The following HS6ST3 variants were observed in gnomAD, a reference collection of about 807,000 sequenced individuals.
HS6ST3 encodes the protein heparan-sulfate 6-O-sulfotransferase 3.
A neutral mutation model predicts 36.7 loss-of-function variants in HS6ST3; 12 were observed. The ratio of observed to expected loss-of-function variants is 0.33; its 90% CI spans 0.21 to 0.53. HS6ST3 has a LOEUF of 0.53. Among genes scored for constraint, HS6ST3 ranks in the 20% least tolerant of loss-of-function variants. HS6ST3 has a pLI of 0.95. For missense variants in HS6ST3, 584 were observed against 640.9 expected (o/e 0.91, Z 0.96); for synonymous variants, 240 against 257.5 (o/e 0.93, Z 0.65).
At chr13:96,604,330 G>T (rs1370815087) in intron 1 of HS6ST3, among the ~76,000 whole-genome samples, 3 of 152,102 alleles carry the variant, frequency 2.0e-5, no homozygotes, top group African/African-American at 7.2e-5. Flanking sequence ...TTAAAATAGA[G>T]TCAGTGGGTA....
In HS6ST3 at chr13:96,356,968, A is replaced by G. The variant is rs971151961; in HGVS notation, c.707+265399A>G. ...TGGATAACTTGCTTCAGCATCTCCA[A>G]CAGCACTTGCTGCTTCACCTTGAAC... On this transcript the variant is annotated intron_variant, in intron 1 of 1. Coordinates refer to ENST00000376705, the MANE Select transcript of HS6ST3 (RefSeq NM_153456.4). Among the ~76,000 whole-genome samples, 6 of 151,634 alleles carry G rather than the reference A, an allele frequency of 4.0e-5. No homozygotes were observed. In the South Asian group the frequency reaches 6.3e-4, roughly 16 times the overall value.
chr13:96,208,932 G>C (rs572960234), intron 1 of HS6ST3, among the ~76,000 whole-genome samples: 2 of 152,130 alleles, frequency 1.3e-5, no homozygotes, highest in African/African-American at 2.4e-5. Context: ...AAATTAGCAG[G>C]CACCTTTTTT....
At chr13:96,404,367 A>G (rs2055466765) in intron 1 of HS6ST3, among the ~76,000 whole-genome samples, 2 of 152,192 alleles carry the variant, frequency 1.3e-5, no homozygotes, top group Admixed American at 6.5e-5. Context: ...AGCCTAATGT[A>G]TTCTCAAGAG....
chr13:96,270,020 G>T (rs1191791593), intron 1 of HS6ST3, among the ~76,000 whole-genome samples: 2 of 151,864 alleles, frequency 1.3e-5, no homozygotes, highest in Non-Finnish European at 2.9e-5. Flanking sequence ...ACTGTCCTTT[G>T]GTCAGCCGTG....
chr13:96,540,557 G>C (rs1412319887), intron 1 of HS6ST3, among the ~76,000 whole-genome samples: 1 of 152,012 alleles, frequency 6.6e-6, no homozygotes, highest in Non-Finnish European at 1.5e-5. Context: ...TTAGGCAAAG[G>C]AGCCTTTATC....
chr13:96,527,257 C>T (rs912503837), intron 1 of HS6ST3, among the ~76,000 whole-genome samples: 1 of 152,094 alleles, frequency 6.6e-6, no homozygotes, highest in African/African-American at 2.4e-5. Flanking sequence ...ACTGGGCTCA[C>T]ATACTTTTAC....
At position 96,090,690 on chromosome 13, in the gene HS6ST3, C is replaced by A; in HGVS notation, c.-173C>A. 3.7e-6 allele frequency: 1 copy of A among 270,172 alleles called. No individual in the cohort carries two copies. The highest frequency in any genetic ancestry group is 6.2e-6 in the Non-Finnish European group (1 of 161,540). 16.7% of individuals were successfully genotyped at this position (270,172 alleles called of 1,614,324 possible). ...GCCCGGCTCGCAGGCCCCGGCTCCT[C>A]AAGCCCCGAGGGCCGCGGGGCCGCC... On this transcript the variant is annotated 5_prime_UTR_variant, in exon 1 of 2. Coordinates refer to ENST00000376705, the MANE Select transcript of HS6ST3 (RefSeq NM_153456.4).
intron 1 of HS6ST3, among the ~76,000 whole-genome samples, chr13:96,099,161 C>G (rs192644096): frequency 6.6e-6 from 1 of 152,146 alleles, no homozygotes; most frequent in African/African-American, 2.4e-5. Context: ...CCAGGCTGGT[C>G]TTGACCTCCT....
intron 1 of HS6ST3, among the ~76,000 whole-genome samples, chr13:96,779,210 C>A (rs1877466883): frequency 6.6e-6 from 1 of 151,854 alleles, no homozygotes; most frequent in Admixed American, 6.6e-5. Flanking sequence ...AGTAGAAATA[C>A]CTAATGTAGA....
At chr13:96,429,439 G>T (rs1403692906) in intron 1 of HS6ST3, among the ~76,000 whole-genome samples, 1 of 152,154 alleles carries the variant, frequency 6.6e-6, no homozygotes, top group Non-Finnish European at 1.5e-5. Context: ...CTCATTTTTG[G>T]GGGAGTTAAC....
At chr13:96,254,432 AAAAAAAAAAAAAAAAAATATATAT>A (rs2054622950) in intron 1 of HS6ST3, among the ~76,000 whole-genome samples, 1 of 55,074 alleles carries the variant, frequency 1.8e-5, no homozygotes, top group African/African-American at 7.2e-5. Flanking sequence ...AAAAAAAAAA[AAAAAAAAAAAAAAAAAATATATAT>A]ATATATATAT....
intron 1 of HS6ST3, among the ~76,000 whole-genome samples, chr13:96,145,166 C>A (rs1053772311): frequency 6.9e-6 from 1 of 144,140 alleles, no homozygotes; most frequent in African/African-American, 2.6e-5. Context: ...TGGGTATATA[C>A]CCAGTAATGG....
chr13:96,551,772 A>T (rs2056220366), intron 1 of HS6ST3, among the ~76,000 whole-genome samples: 2 of 152,140 alleles, frequency 1.3e-5, no homozygotes, highest in Non-Finnish European at 2.9e-5. Flanking sequence ...TGCTCGTCAC[A>T]CATCGCCACC....
intron 1 of HS6ST3, among the ~76,000 whole-genome samples, chr13:96,561,762 C>G (rs1345732898): frequency 6.6e-6 from 1 of 152,062 alleles, no homozygotes; most frequent in Admixed American, 6.6e-5. Context: ...AAGCAGCTAG[C>G]AAACATATAA....
At chr13:96,792,063 A>G (rs772753120) in intron 1 of HS6ST3, among the ~76,000 whole-genome samples, 2 of 152,124 alleles carry the variant, frequency 1.3e-5, no homozygotes, top group Non-Finnish European at 2.9e-5. Context: ...TTAAACACAT[A>G]CACACATATT....
At chr13:96,602,895 A>C (rs904079154) in intron 1 of HS6ST3, among the ~76,000 whole-genome samples, 12 of 152,120 alleles carry the variant, frequency 7.9e-5, no homozygotes, top group African/African-American at 2.9e-4. Context: ...TTTGCAGTGT[A>C]CTTCCTGGGT....
intron 1 of HS6ST3, among the ~76,000 whole-genome samples, chr13:96,245,202 C>T (rs2054579009): frequency 6.6e-6 from 1 of 152,052 alleles, no homozygotes; most frequent in Admixed American, 6.5e-5. Flanking sequence ...TAGAGCTGGT[C>T]CCTCTGTCAT....
chr13:96,581,687 A>T (rs557967107), intron 1 of HS6ST3, among the ~76,000 whole-genome samples: 3 of 152,334 alleles, frequency 2.0e-5, no homozygotes, highest in African/African-American at 7.2e-5. Flanking sequence ...AAAACAAGGT[A>T]ATGAACAATG....
At chr13:96,726,614 G>T (rs1276663261) in intron 1 of HS6ST3, among the ~76,000 whole-genome samples, 5 of 151,958 alleles carry the variant, frequency 3.3e-5, no homozygotes, top group Non-Finnish European at 5.9e-5. Flanking sequence ...ATAATTCATT[G>T]GACTTTGTGC....
Sources: gnomAD v4.1 joint callset for allele counts (sites outside exome capture counted in the v4.1 genomes callset) on GRCh38, gnomAD v4.1.1 for gene constraint, MANE v1.5 for transcripts, NCBI Gene and HGNC (gene_info 2026-07-23, HGNC 2026-07-21) for gene names.